Variants in FILIP1 observed in about 807,000 individuals in gnomAD.
The protein encoded by FILIP1 is filamin A interacting protein 1.
Under a neutral mutation model 102.1 loss-of-function variants are expected in FILIP1, and 61 were observed. The observed-to-expected ratio is 0.60, with a 90% CI of 0.49 to 0.74. The LOEUF is 0.74. FILIP1 is among the 30% of genes least tolerant of loss of function. The pLI is 0.00. For synonymous variants in FILIP1, 491 were observed against 526.9 expected (o/e 0.93, Z 0.93); for missense variants, 1,314 against 1,441.2 (o/e 0.91, Z 1.43).
At chr6:75,394,245 C>T (rs756350918) in intron 2 of FILIP1, among the ~76,000 whole-genome samples, 2 of 152,066 alleles carry the variant, frequency 1.3e-5, no homozygotes, top group Non-Finnish European at 2.9e-5. Flanking sequence ...CTCTTATGAA[C>T]AGCCATCCAC....
intron 4 of FILIP1, among the ~76,000 whole-genome samples, chr6:75,321,310 CT>C (rs1183150000): frequency 1.3e-5 from 2 of 152,086 alleles, no homozygotes; most frequent in East Asian, 3.9e-4. Flanking sequence ...GCAGTACACC[CT>C]TGGGTCTATT....
At chr6:75,370,239 C>T (rs1301774908) in intron 2 of FILIP1, among the ~76,000 whole-genome samples, 1 of 152,208 alleles carries the variant, frequency 6.6e-6, no homozygotes, top group Non-Finnish European at 1.5e-5. Flanking sequence ...CTCAACCATT[C>T]TGTATCTACT....
At chr6:75,410,823 G>T (rs575395847) in intron 2 of FILIP1, among the ~76,000 whole-genome samples, 1 of 152,242 alleles carries the variant, frequency 6.6e-6, no homozygotes, top group Non-Finnish European at 1.5e-5. Flanking sequence ...TTGGTTCCAA[G>T]TTTGCTATTT....
chr6:75,380,333 T>C (rs1775873648), intron 2 of FILIP1, among the ~76,000 whole-genome samples: 1 of 136,354 alleles, frequency 7.3e-6, no homozygotes, highest in African/African-American at 2.6e-5. Context: ...GCCTGAAAGG[T>C]ATAAATAGAC....
At chr6:75,453,805 GA>G (rs201724103) in intron 1 of FILIP1, among the ~76,000 whole-genome samples, 14 of 151,242 alleles carry the variant, frequency 9.3e-5, no homozygotes, top group East Asian at 7.8e-4. Flanking sequence ...GGGAGAAAGA[GA>G]AAAAAAAATC....
chr6:75,382,569 A>G (rs1371636271), intron 2 of FILIP1, among the ~76,000 whole-genome samples: 2 of 152,174 alleles, frequency 1.3e-5, no homozygotes, highest in East Asian at 1.9e-4. Context: ...TTAAACTGTT[A>G]AAGAGACAGG....
At chr6:75,418,446 A>G (rs1315916909) in intron 1 of FILIP1, among the ~76,000 whole-genome samples, 1 of 152,216 alleles carries the variant, frequency 6.6e-6, no homozygotes, top group Admixed American at 6.5e-5. Flanking sequence ...AGTTATGAAA[A>G]CAGGATGTAA....
intron 1 of FILIP1, among the ~76,000 whole-genome samples, chr6:75,480,326 C>G (rs1779616147): frequency 1.3e-5 from 1 of 76,358 alleles, no homozygotes; most frequent in African/African-American, 4.5e-5. Flanking sequence ...GAACCTTCCA[C>G]TATTTTCCCT....
chr6:75,490,063 T>C (rs1005332136), intron 1 of FILIP1, among the ~76,000 whole-genome samples: 2 of 152,076 alleles, frequency 1.3e-5, no homozygotes, highest in African/African-American at 4.8e-5. Flanking sequence ...TTAAGGCATA[T>C]GTTTTATGAA....
chr6:75,435,440 CA>C (rs1226667818), intron 1 of FILIP1, among the ~76,000 whole-genome samples: 1 of 152,182 alleles, frequency 6.6e-6, no homozygotes, highest in Non-Finnish European at 1.5e-5. Context: ...ACTTAACTAA[CA>C]ATTAAATCAT....
chr6:75,333,204 G>T (rs1276644827), intron 4 of FILIP1, among the ~76,000 whole-genome samples: 3 of 151,728 alleles, frequency 2.0e-5, no homozygotes, highest in Admixed American at 2.0e-4. Context: ...GACATTTAAA[G>T]GTCTTTTAAA....
At chr6:75,412,196 C>T (rs529617231) in intron 2 of FILIP1, among the ~76,000 whole-genome samples, 1 of 152,214 alleles carries the variant, frequency 6.6e-6, no homozygotes, top group South Asian at 2.1e-4. Flanking sequence ...TGGGAGTTTG[C>T]TTGTGATTTG....
At chr6:75,407,662 G>A (rs1008205926) in intron 2 of FILIP1, among the ~76,000 whole-genome samples, 4 of 152,086 alleles carry the variant, frequency 2.6e-5, no homozygotes, top group East Asian at 1.9e-4. Context: ...AAATACCAAC[G>A]CCAAATGGAA....
chr6:75,325,956 A>G (rs1773833006), intron 4 of FILIP1, among the ~76,000 whole-genome samples: 1 of 152,234 alleles, frequency 6.6e-6, no homozygotes, highest in African/African-American at 2.4e-5. Context: ...ACACTTGCAC[A>G]TGCATATTTT....
intron 1 of FILIP1, chr6:75,454,856 G>A (rs1400503150): frequency 6.6e-6 from 1 of 152,074 alleles, no homozygotes; most frequent in East Asian, 1.9e-4. Context: ...CCTAACATCA[G>A]CCAGACACTG....
intron 4 of FILIP1, among the ~76,000 whole-genome samples, chr6:75,333,679 T>C (rs1197533960): frequency 6.6e-6 from 1 of 152,184 alleles, no homozygotes; most frequent in Non-Finnish European, 1.5e-5. Context: ...ACGGGTCATG[T>C]GAATCTAAAA....
At chr6:75,451,438 T>C (rs1404981119) in intron 1 of FILIP1, among the ~76,000 whole-genome samples, 1 of 151,882 alleles carries the variant, frequency 6.6e-6, no homozygotes, top group African/African-American at 2.4e-5. Flanking sequence ...AAATTTCTAC[T>C]CTAACATAAA....
intron 4 of FILIP1, among the ~76,000 whole-genome samples, chr6:75,340,860 A>ATTT (rs1562479041): frequency 9.2e-6 from 1 of 108,558 alleles, no homozygotes; most frequent in East Asian, 2.4e-4. Context: ...AATGCTCAGG[A>ATTT]ATTTTTTTTT....
chr6:75,433,135 C>T (rs1777886436), intron 1 of FILIP1, among the ~76,000 whole-genome samples: 1 of 152,220 alleles, frequency 6.6e-6, no homozygotes, highest in Non-Finnish European at 1.5e-5. Flanking sequence ...CTACAATAAA[C>T]ATACATGTGC....
Sources: gnomAD v4.1 joint callset for allele counts (sites outside exome capture counted in the v4.1 genomes callset) on GRCh38, gnomAD v4.1.1 for gene constraint, MANE v1.5 for transcripts, NCBI Gene and HGNC (gene_info 2026-07-23, HGNC 2026-07-21) for gene names.